The following MON2 variants were observed in gnomAD, a reference collection of about 807,000 sequenced individuals.
MON2 encodes protein MON2 homolog.
MON2 carries 84 observed loss-of-function variants against 208.6 expected under a neutral mutation model. That is an observed-to-expected ratio of 0.40 (90% confidence interval 0.34 to 0.48). The LOEUF (loss-of-function observed/expected upper bound fraction) is 0.48, where lower values mean the gene tolerates loss of function less well. MON2 is among the 20% of genes least tolerant of loss of function. The pLI, the probability that MON2 is intolerant of heterozygous loss-of-function variation, is 0.59. For missense variants in MON2, 1,611 were observed against 2,015.4 expected (o/e 0.80, Z 3.84); for synonymous variants, 660 against 694.0 (o/e 0.95, Z 0.77).
intron 29 of MON2, among the ~76,000 whole-genome samples, chr12:62,569,519 A>C (rs1163137817): frequency 1.3e-5 from 2 of 152,204 alleles, no homozygotes; most frequent in Non-Finnish European, 2.9e-5. Context: ...CAGTAACAAG[A>C]TTATATGTCC....
At chr12:62,530,713 G>A (rs2072594449) in intron 11 of MON2, among the ~76,000 whole-genome samples, 1 of 152,058 alleles carries the variant, frequency 6.6e-6, no homozygotes, top group Non-Finnish European at 1.5e-5. Flanking sequence ...GTAAGTTTTT[G>A]CATAGACATG....
chr12:62,546,835 C>A, intron 21 of MON2, 62 bp from the exon 22 acceptor site: 1 of 1,244,866 alleles, frequency 8.0e-7, no homozygotes, highest in Non-Finnish European at 1.1e-6. Context: ...TGAAAAGCAA[C>A]AGTAAAGCCT....
chr12:62,527,403 G>A (rs2072389231), intron 11 of MON2, among the ~76,000 whole-genome samples: 1 of 152,154 alleles, frequency 6.6e-6, no homozygotes. Flanking sequence ...AGTCATAGAA[G>A]ACTGAAATAT....
rs572838251 is a variant in MON2 at position 62,593,257 on chromosome 12, A to C, written c.*508A>C. 115 of 153,154 alleles carry C rather than the reference A, an allele frequency of 7.5e-4. No homozygotes were observed. Among genetic ancestry groups the C allele is most frequent in the South Asian group, 1.9e-3 (9 of 4,844 alleles). 9.5% of individuals were successfully genotyped at this position (153,154 alleles called of 1,614,324 possible). On this transcript the variant is annotated 3_prime_UTR_variant, in exon 35 of 35. Transcript: ENST00000393630. Reference sequence around the variant, plus strand: ...AACTGATATACTTGTGTGTATAATAAATGGTACAGTTCTGTATAAAATAGT... The same window carrying C: ...AACTGATATACTTGTGTGTATAATACATGGTACAGTTCTGTATAAAATAGT...
At chr12:62,470,754 C>A in intron 1 of MON2, 2 of 1,114,856 alleles carry the variant, frequency 1.8e-6, no homozygotes, top group South Asian at 2.1e-5. Flanking sequence ...GGGAGTCATT[C>A]CTAGCAGAGG....
chr12:62,516,121 A>T (rs1474314608), intron 8 of MON2, among the ~76,000 whole-genome samples: 1 of 152,206 alleles, frequency 6.6e-6, no homozygotes. Context: ...CATTTGCAAC[A>T]ATATGGATGG....
rs1470122625 is a variant in MON2 at position 62,596,491 on chromosome 12, C to T, written c.*3742C>T. Reference sequence around the variant, plus strand: ...TGATCTCTGAAAGCATTGCCAGCAGCCAGGTATGTTCCTTAGATTTCCACT... The same window carrying T: ...TGATCTCTGAAAGCATTGCCAGCAGTCAGGTATGTTCCTTAGATTTCCACT... On this transcript the variant is annotated 3_prime_UTR_variant, in exon 35 of 35. Transcript: ENST00000393630. 7 of 152,182 alleles carry T rather than the reference C, an allele frequency of 4.6e-5. No homozygotes were observed. The highest frequency in any genetic ancestry group is 4.6e-4 in the Admixed American group (7 of 15,288). 9.4% of individuals were successfully genotyped at this position (152,182 alleles called of 1,614,324 possible).
chr12:62,579,529 C>T (rs1290886093), intron 31 of MON2, among the ~76,000 whole-genome samples: 1 of 150,632 alleles, frequency 6.6e-6, no homozygotes, highest in Non-Finnish European at 1.5e-5. Flanking sequence ...TGAGACCATC[C>T]TGGTTAACAT....
At chr12:62,556,282 C>A in intron 25 of MON2, 90 bp downstream of exon 25, 1 of 1,242,028 alleles carries the variant, frequency 8.1e-7, no homozygotes, top group Non-Finnish European at 1.1e-6. Flanking sequence ...TCTATCTTAA[C>A]TTAGTCTTTA....
intron 11 of MON2, among the ~76,000 whole-genome samples, chr12:62,531,914 C>T (rs1423982866): frequency 1.3e-5 from 2 of 152,018 alleles, no homozygotes; most frequent in African/African-American, 4.8e-5. Context: ...AGACTACAGG[C>T]ACCTGCCACC....
At chr12:62,561,974 A>C (rs1206852569) in intron 26 of MON2, among the ~76,000 whole-genome samples, 1 of 152,172 alleles carries the variant, frequency 6.6e-6, no homozygotes, top group African/African-American at 2.4e-5. Flanking sequence ...GAAGAAGTTT[A>C]GCTGAGCAGT....
At chr12:62,585,694 G>T in intron 33 of MON2, 193 bp downstream of exon 33, 2 of 458,890 alleles carry the variant, frequency 4.4e-6, no homozygotes, top group Non-Finnish European at 7.7e-6. Flanking sequence ...TTGTTATGGG[G>T]TGCTTTTTTA....
intron 1 of MON2, among the ~76,000 whole-genome samples, chr12:62,481,121 C>T (rs1030812082): frequency 6.6e-6 from 1 of 152,148 alleles, no homozygotes; most frequent in Non-Finnish European, 1.5e-5. Context: ...CACTTCTTAC[C>T]ATCTCTATCA....
At chr12:62,585,764 TAA>T (rs895117892) in intron 33 of MON2, 6 of 248,784 alleles carry the variant, frequency 2.4e-5, no homozygotes, top group Admixed American at 2.0e-4. Flanking sequence ...CTTTTTGAAT[TAA>T]AAAAAAATAA....
At chr12:62,534,533 A>ATATATATAT (rs1555169480) in intron 12 of MON2, among the ~76,000 whole-genome samples, 33 of 43,710 alleles carry the variant, frequency 7.5e-4, no homozygotes, top group African/African-American at 4.0e-3. Flanking sequence ...AAAAAAAAAA[A>ATATATATAT]AAAAAAAAAA....
chr12:62,484,365 G>T (rs989184545), intron 2 of MON2, 132 bp downstream of exon 2: 24 of 596,236 alleles, frequency 4.0e-5, no homozygotes, highest in Admixed American at 6.3e-5. Flanking sequence ...TATTCATAAT[G>T]AAACAGAATG....
intron 1 of MON2, among the ~76,000 whole-genome samples, chr12:62,469,988 T>C (rs1378441670): frequency 6.6e-6 from 1 of 151,908 alleles, no homozygotes; most frequent in Non-Finnish European, 1.5e-5. Context: ...CACTGCAGCG[T>C]TGACATCCTG....
At chr12:62,500,266 A>T (rs1185749403) in intron 5 of MON2, among the ~76,000 whole-genome samples, 2 of 152,158 alleles carry the variant, frequency 1.3e-5, no homozygotes, top group African/African-American at 4.8e-5. Context: ...ACAGAGAATG[A>T]TATTTTTTAC....
In MON2 at chr12:62,546,981, G is replaced by A. The variant is rs201327821; in HGVS notation, c.2662G>A (p.Val888Met). 81 of 1,613,248 alleles carry A rather than the reference G, an allele frequency of 5.0e-5. No individual in the cohort carries two copies. The Admixed American group carries it at 6.3e-4, about 13-fold the overall frequency. ...TATTCGACTCAAGCAGTTAGAATGC[G>A]TGTTGCAGATTCTGCAGAGTCAGGG... Reference protein sequence around the residue: ...PDIRLKQLECVLQILQSQGDS... With the variant: ...PDIRLKQLECMLQILQSQGDS... Residue 888 changes from valine to methionine, a missense_variant, in exon 22 of 35, where the codon GTG becomes ATG. Physicochemically the swap from Val to Met is conservative, Grantham distance 21 (BLOSUM62 1). Transcript: ENST00000393630.
Sources: allele counts gnomAD v4.1 joint callset (sites outside exome capture counted in the v4.1 genomes callset), GRCh38; gene constraint gnomAD v4.1.1; transcripts MANE v1.5; gene names NCBI Gene and HGNC (gene_info 2026-07-23, HGNC 2026-07-21).